The following CACNA2D1 variants were observed in gnomAD, a reference collection of about 807,000 sequenced individuals.
CACNA2D1 encodes the protein calcium voltage-gated channel auxiliary subunit alpha2delta 1, also known as voltage-dependent calcium channel subunit alpha-2/delta-1.
Under a neutral mutation model 171.5 loss-of-function variants are expected in CACNA2D1, and 53 were observed. The ratio of observed to expected loss-of-function variants is 0.31; its 90% CI spans 0.25 to 0.39. CACNA2D1 has a LOEUF of 0.39. Ranked by LOEUF, CACNA2D1 falls within the 10% of genes least tolerant of loss-of-function variation. The pLI is 1.00. For missense variants in CACNA2D1, 903 were observed against 1,299.8 expected, an observed-to-expected ratio of 0.69 and a Z score of 4.69; for synonymous variants, 442 against 443.1, an observed-to-expected ratio of 1.00 and a Z score of 0.03.
At chr7:82,108,187 A>T (rs1173330468) in intron 6 of CACNA2D1, among the ~76,000 whole-genome samples, 1 of 152,356 alleles carries the variant, frequency 6.6e-6, no homozygotes, top group Middle Eastern at 3.4e-3. Flanking sequence ...TACTTGTGAG[A>T]GGTAAATGTT....
intron 3 of CACNA2D1, among the ~76,000 whole-genome samples, chr7:82,219,566 A>G (rs1801532060): frequency 6.6e-6 from 1 of 152,124 alleles, no homozygotes; most frequent in African/African-American, 2.4e-5. Flanking sequence ...ATTCTAGGTG[A>G]CATTAAGTTG....
chr7:82,211,536 A>T (rs904005850), intron 3 of CACNA2D1, among the ~76,000 whole-genome samples: 1 of 152,174 alleles, frequency 6.6e-6, no homozygotes, highest in Non-Finnish European at 1.5e-5. Context: ...CAAGGACATG[A>T]TGTTGTTCTT....
intron 12 of CACNA2D1, among the ~76,000 whole-genome samples, chr7:82,026,545 A>C (rs758331205): frequency 5.3e-5 from 8 of 151,716 alleles, no homozygotes; most frequent in Non-Finnish European, 8.9e-5. Flanking sequence ...GTGGAAAGTG[A>C]AATGCTGAGT....
At chr7:82,223,422 G>T (rs1245198213) in intron 3 of CACNA2D1, among the ~76,000 whole-genome samples, 2 of 152,092 alleles carry the variant, frequency 1.3e-5, no homozygotes, top group Non-Finnish European at 2.9e-5. Context: ...TATTTTAAAA[G>T]TCATAAGTTT....
At position 82,149,151 on chromosome 7, in the gene CACNA2D1, C is replaced by T. The variant is rs192105511; in HGVS notation, c.355-12475G>A. On this transcript the variant is annotated intron_variant, in intron 4 of 38. Coordinates refer to ENST00000356860, the MANE Select transcript of CACNA2D1 (RefSeq NM_000722.4). Reference sequence around the variant, plus strand: ...GCCCTGTGAGAGACTACACCTTAGCCATGTTTGAGCTCAATGCCTGGCCCA... The same window carrying T: ...GCCCTGTGAGAGACTACACCTTAGCTATGTTTGAGCTCAATGCCTGGCCCA... Among the ~76,000 whole-genome samples, 236 of 152,262 alleles carry T rather than the reference C, an allele frequency of 1.5e-3. 3 individuals carry two copies. The highest frequency in any genetic ancestry group is 0.015 in the East Asian group (78 of 5,158).
intron 2 of CACNA2D1, among the ~76,000 whole-genome samples, chr7:82,336,660 C>T (rs1818038643): frequency 6.6e-6 from 1 of 152,108 alleles, no homozygotes; most frequent in Non-Finnish European, 1.5e-5. Context: ...TTTTTAAAGA[C>T]CCATATCATC....
intron 3 of CACNA2D1, among the ~76,000 whole-genome samples, chr7:82,177,297 A>G (rs373803969): frequency 2.6e-4 from 39 of 152,178 alleles, no homozygotes; most frequent in African/African-American, 9.1e-4. Flanking sequence ...AGCAATCACC[A>G]TAATAAATTG....
intron 3 of CACNA2D1, among the ~76,000 whole-genome samples, chr7:82,294,337 T>C (rs2129418906): frequency 6.6e-6 from 1 of 152,228 alleles, no homozygotes; most frequent in Middle Eastern, 3.4e-3. Context: ...AGATGCAGGA[T>C]GGAAATTTTA....
chr7:82,122,509 A>G (rs971875082), intron 5 of CACNA2D1, among the ~76,000 whole-genome samples: 7 of 152,324 alleles, frequency 4.6e-5, no homozygotes, highest in Non-Finnish European at 1.0e-4. Context: ...TAGCAATACA[A>G]TACAGTTGAG....
chr7:81,984,765 CT>C (rs775185199), intron 21 of CACNA2D1, 54 bp from the exon 22 acceptor site: 7 of 942,618 alleles, frequency 7.4e-6, no homozygotes, highest in East Asian at 2.6e-5. Flanking sequence ...TGAAACATAA[CT>C]TAAAAAAAAG....
chr7:81,980,624 T>C (rs1466087762), intron 24 of CACNA2D1, among the ~76,000 whole-genome samples: 2 of 150,674 alleles, frequency 1.3e-5, no homozygotes, highest in African/African-American at 4.9e-5. Flanking sequence ...ACTCTCTGGT[T>C]ACAGAACAGA....
intron 10 of CACNA2D1, among the ~76,000 whole-genome samples, chr7:82,044,131 C>T (rs1286597383): frequency 6.6e-6 from 1 of 152,122 alleles, no homozygotes; most frequent in Non-Finnish European, 1.5e-5. Context: ...GTGATCCTCC[C>T]ACCTTGGCCT....
chr7:82,033,642 C>T (rs1268426551), intron 11 of CACNA2D1, among the ~76,000 whole-genome samples: 1 of 150,142 alleles, frequency 6.7e-6, no homozygotes. Context: ...CTCTTATCCT[C>T]TCTCAACCAA....
chr7:82,165,086 A>AC (rs1795299541), intron 4 of CACNA2D1, among the ~76,000 whole-genome samples: 1 of 151,964 alleles, frequency 6.6e-6, no homozygotes, highest in Non-Finnish European at 1.5e-5. Flanking sequence ...TCTCCCAATA[A>AC]TTTAGCACTA....
intron 38 of CACNA2D1, among the ~76,000 whole-genome samples, chr7:81,953,579 T>A (rs898231318): frequency 1.3e-5 from 2 of 151,958 alleles, no homozygotes. Flanking sequence ...AAATACTTTA[T>A]ATAAATGTAT....
intron 18 of CACNA2D1, among the ~76,000 whole-genome samples, chr7:82,004,166 A>T (rs1298467839): frequency 1.3e-5 from 2 of 152,220 alleles, no homozygotes; most frequent in Non-Finnish European, 2.9e-5. Flanking sequence ...AGATATAAAA[A>T]GTTTTCAAGC....
chr7:82,030,169 GATA>G (rs1802500511), intron 12 of CACNA2D1, among the ~76,000 whole-genome samples: 1 of 151,806 alleles, frequency 6.6e-6, no homozygotes, highest in South Asian at 2.1e-4. Flanking sequence ...TGTATTTCAA[GATA>G]ATGATATTTA....
At chr7:82,426,138 T>TATAAATAA (rs56342398) in intron 1 of CACNA2D1, among the ~76,000 whole-genome samples, 265 of 129,026 alleles carry the variant, frequency 2.1e-3, no homozygotes, top group East Asian at 3.5e-3. Context: ...TTCAAAAATA[T>TATAAATAA]ATAAATAAAT....
intron 1 of CACNA2D1, among the ~76,000 whole-genome samples, chr7:82,352,236 C>T (rs1208288003): frequency 1.3e-5 from 2 of 152,222 alleles, no homozygotes; most frequent in Non-Finnish European, 2.9e-5. Context: ...TACTTAGGCA[C>T]TCTGCCTTTC....
Sources: gnomAD v4.1 joint callset for allele counts (sites outside exome capture counted in the v4.1 genomes callset) on GRCh38, gnomAD v4.1.1 for gene constraint, MANE v1.5 for transcripts, NCBI Gene and HGNC (gene_info 2026-07-23, HGNC 2026-07-21) for gene names.